The following OR3A2 variants were observed in gnomAD, a reference collection of about 807,000 sequenced individuals.
The protein encoded by OR3A2 is olfactory receptor family 3 subfamily A member 2.
For missense variants in OR3A2, 318 were observed against 392.8 expected (o/e 0.81, Z 1.61); for synonymous variants, 126 against 159.3 (o/e 0.79, Z 1.57).
chr17:3,374,478 G>A lies in OR3A2; in HGVS notation c.-179+9326C>T, dbSNP rs952610361. ...TTAACATAATCCCAAATTTATTGGA[G>A]GCTTTATTCATTTTTCTTTGTCTTT... On this transcript the variant is annotated intron_variant, in intron 2 of 4. Coordinates refer to the OR3A2 transcript ENST00000573491. Among the ~76,000 whole-genome samples the A allele has an allele frequency of 1.5e-4, 23 of 152,124 alleles. 1 individual carries two copies. Among genetic ancestry groups the A allele is most frequent in the Admixed American group, 8.5e-4 (13 of 15,278 alleles).
intron 2 of OR3A2, among the ~76,000 whole-genome samples, chr17:3,369,928 C>T (rs895186859): frequency 5.9e-5 from 9 of 151,902 alleles, no homozygotes; most frequent in African/African-American, 2.2e-4. Context: ...CTTAGCCTCC[C>T]GAGTAGCTGG....
intron 2 of OR3A2, among the ~76,000 whole-genome samples, chr17:3,343,240 C>T (rs755370464): frequency 2.6e-5 from 4 of 152,196 alleles, no homozygotes; most frequent in Non-Finnish European, 4.4e-5. Context: ...TGCCCTGCTT[C>T]GGCTCACCCT....
At chr17:3,355,490 T>C (rs1237556460) in intron 2 of OR3A2, among the ~76,000 whole-genome samples, 1 of 146,198 alleles carries the variant, frequency 6.8e-6, no homozygotes, top group Admixed American at 6.8e-5. Flanking sequence ...GCTTTATATA[T>C]CTGGGTACTA....
chr17:3,281,616 T>C (rs1232709815), intron 1 of OR3A2, among the ~76,000 whole-genome samples: 1 of 150,694 alleles, frequency 6.6e-6, no homozygotes, highest in South Asian at 2.1e-4. Flanking sequence ...ACTAGCTCTT[T>C]CTTGCCACCC....
chr17:3,321,382 G>A (rs569059967), intron 3 of OR3A2, among the ~76,000 whole-genome samples: 1 of 152,158 alleles, frequency 6.6e-6, no homozygotes, highest in African/African-American at 2.4e-5. Flanking sequence ...TCTTTCTCCT[G>A]CCTGATTGCC....
chr17:3,332,618 T>A (rs1345034723), intron 3 of OR3A2, among the ~76,000 whole-genome samples: 1 of 152,206 alleles, frequency 6.6e-6, no homozygotes, highest in African/African-American at 2.4e-5. Flanking sequence ...CCTAGTGAGA[T>A]GAACCTGGTA....
Position 3,291,951 on chromosome 17 carries a change from C to G in OR3A2, c.-84-12798G>C, listed in dbSNP as rs61734041. 1.9e-6 allele frequency: 3 copies of G among 1,614,012 alleles called. No individual in the cohort carries two copies. In the South Asian group the frequency reaches 3.3e-5, roughly 18 times the overall value. On this transcript the variant is annotated intron_variant, in intron 3 of 4. Transcript: ENST00000573491. The stretch of plus-strand genomic sequence containing the variant: ...GATGACAATGAGAGCCATGGGGGTA[C>G]CTGCCATTATAAAACCCACAGCAAA...
At chr17:3,375,510 C>T (rs1301596004) in intron 2 of OR3A2, among the ~76,000 whole-genome samples, 1 of 151,882 alleles carries the variant, frequency 6.6e-6, no homozygotes, top group Admixed American at 6.6e-5. Flanking sequence ...CCATGATGGT[C>T]AGGCTGGTCT....
Position 3,336,123 on chromosome 17 carries a change from A to C in OR3A2, c.-175T>G, listed in dbSNP as rs2049273362. ...CTATCTTCATTCAACATTTTGTGGC[A>C]TGTCTGTGGAAATAATGACAGGTCA... On this transcript the variant is annotated 5_prime_UTR_variant, in exon 3 of 5. An upstream start codon of the reference 5' UTR is lost. Transcript: ENST00000573491. The C allele has an allele frequency of 1.3e-5, 2 of 152,262 alleles. No homozygotes were observed. 9.4% of individuals were successfully genotyped at this position (152,262 alleles called of 1,614,324 possible). A position where few individuals can be genotyped will look rare whatever the true frequency, so the allele number is the denominator to read the frequency against.
intron 2 of OR3A2, among the ~76,000 whole-genome samples, chr17:3,338,346 C>CA (rs2049288747): frequency 6.6e-6 from 1 of 152,116 alleles, no homozygotes; most frequent in South Asian, 2.1e-4. Flanking sequence ...AGTCCTTGCC[C>CA]ATGCCTATAT....
chr17:3,329,276 A>C (rs1035295512), intron 3 of OR3A2, among the ~76,000 whole-genome samples: 2 of 151,014 alleles, frequency 1.3e-5, no homozygotes, highest in Non-Finnish European at 3.0e-5. Context: ...GAATAGTTTC[A>C]GAAGGAATGG....
At chr17:3,284,822 A>AG (rs1360883334), upstream of OR3A2, among the ~76,000 whole-genome samples, 3 of 120,512 alleles carry the variant, frequency 2.5e-5, 1 homozygote, top group Non-Finnish European at 3.4e-5. Context: ...GGGCTTTCTA[A>AG]GGGGATATTT....
At chr17:3,354,174 G>A (rs949274096) in intron 2 of OR3A2, among the ~76,000 whole-genome samples, 1 of 147,610 alleles carries the variant, frequency 6.8e-6, no homozygotes, top group African/African-American at 2.7e-5. Flanking sequence ...GTCTGTTTTT[G>A]GTATCAGAGT....
intron 3 of OR3A2, among the ~76,000 whole-genome samples, chr17:3,297,600 T>G (rs973207743): frequency 3.3e-5 from 5 of 151,796 alleles, no homozygotes; most frequent in Admixed American, 3.3e-4. Flanking sequence ...TCTGTTAACC[T>G]CTCACACGGA....
chr17:3,328,595 T>G (rs1325031505), intron 3 of OR3A2, among the ~76,000 whole-genome samples: 1 of 147,604 alleles, frequency 6.8e-6, no homozygotes, highest in Non-Finnish European at 1.5e-5. Flanking sequence ...CAACACTATG[T>G]TGAATAGGAG....
At chr17:3,334,583 T>G (rs1223989627) in intron 3 of OR3A2, among the ~76,000 whole-genome samples, 2 of 152,204 alleles carry the variant, frequency 1.3e-5, no homozygotes, top group Non-Finnish European at 2.9e-5. Flanking sequence ...CCCAAATGTT[T>G]TTGACTGCTC....
chr17:3,285,976 T>G (rs1472576108), upstream of OR3A2, among the ~76,000 whole-genome samples: 2 of 152,196 alleles, frequency 1.3e-5, no homozygotes, highest in Non-Finnish European at 2.9e-5. Context: ...GCAGGTTCGT[T>G]ACATAGGTAT....
At position 3,326,157 on chromosome 17, in the gene OR3A2, A is replaced by G. The variant is rs374857579; in HGVS notation, c.-85+9876T>C. Among the ~76,000 whole-genome samples, 5 of 152,206 alleles carry G rather than the reference A, an allele frequency of 3.3e-5. No homozygotes were observed. The South Asian group carries it at 8.3e-4, about 25-fold the overall frequency. On this transcript the variant is annotated intron_variant, in intron 3 of 4. Coordinates refer to the OR3A2 transcript ENST00000573491. ...ATGGCTGCATAGTATATCATGGTGT[A>G]TATGTACCACATTTTCTTTATCCAG... is the stretch of plus-strand genomic sequence containing the variant.
chr17:3,328,575 C>T (rs1488763752), intron 3 of OR3A2, among the ~76,000 whole-genome samples: 1 of 146,564 alleles, frequency 6.8e-6, no homozygotes, highest in Non-Finnish European at 1.5e-5. Context: ...ATTGCCCTGG[C>T]CAGAACTTCC....
Sources: gnomAD v4.1 joint callset for allele counts (sites outside exome capture counted in the v4.1 genomes callset) on GRCh38, gnomAD v4.1.1 for gene constraint, MANE v1.5 for transcripts, NCBI Gene and HGNC (gene_info 2026-07-23, HGNC 2026-07-21) for gene names.